Variants in SAMHD1 observed in about 807,000 individuals in gnomAD.
The protein encoded by SAMHD1 is deoxynucleoside triphosphate triphosphohydrolase SAMHD1.
Under a neutral mutation model 79.6 loss-of-function variants are expected in SAMHD1, and 54 were observed. That is an observed-to-expected ratio of 0.68 (90% confidence interval 0.55 to 0.85). The LOEUF (loss-of-function observed/expected upper bound fraction) is 0.85, where lower values mean the gene tolerates loss of function less well. Ranked by LOEUF, SAMHD1 falls within the 40% of genes least tolerant of loss-of-function variation. SAMHD1 has a pLI of 0.00. For missense variants in SAMHD1, 663 were observed against 782.7 expected, an observed-to-expected ratio of 0.85 and a Z score of 1.82; for synonymous variants, 260 against 264.1, an observed-to-expected ratio of 0.98 and a Z score of 0.15.
chr20:36,951,706 A>C lies in SAMHD1; in HGVS notation c.-63T>G. On this transcript the variant is annotated 5_prime_UTR_variant, in exon 1 of 16. Coordinates refer to ENST00000646673, the MANE Select transcript of SAMHD1 (RefSeq NM_015474.4). ...CGGCGCCGGACCCGCGCGCAGGCGC[A>C]CTGACAGCAGGGCCCTGGCGGGGAG... The C allele has an allele frequency of 6.2e-7, 1 of 1,607,938 alleles. No homozygotes were observed. Among genetic ancestry groups the C allele is most frequent in the Non-Finnish European group, 8.5e-7 (1 of 1,179,746 alleles).
intron 7 of SAMHD1, 132 bp downstream of exon 7, chr20:36,919,232 A>G (rs1172004351): frequency 3.7e-6 from 3 of 815,208 alleles, no homozygotes; most frequent in African/African-American, 3.5e-5. Context: ...TTTTGCATTA[A>G]ACAGTAGAAA....
intron 5 of SAMHD1, 88 bp from the exon 6 acceptor site, chr20:36,927,340 G>A (rs1213997801): frequency 1.6e-5 from 16 of 1,024,088 alleles, no homozygotes; most frequent in South Asian, 4.0e-5. Flanking sequence ...TTTTTGAGAC[G>A]GAGTTTCGCT....
chr20:36,927,376 G>T lies in SAMHD1; in HGVS notation c.626-124C>A, dbSNP rs930914984. Reference sequence around the variant, plus strand: ...CTTGTTGCCCAGGCTGGAGTGTAGTGGTACAATCTTGGCTCAACACAATCT... The same window carrying T: ...CTTGTTGCCCAGGCTGGAGTGTAGTTGTACAATCTTGGCTCAACACAATCT... On this transcript the variant is annotated intron_variant, in intron 5 of 15. Coordinates refer to ENST00000646673, the MANE Select transcript of SAMHD1 (RefSeq NM_015474.4). 2.8e-5 allele frequency: 22 copies of T among 776,896 alleles called. No homozygotes were observed. The African/African-American group carries it at 3.8e-4, about 13-fold the overall frequency. 48.1% of individuals were successfully genotyped at this position (776,896 alleles called of 1,614,324 possible). A position where few individuals can be genotyped will look rare whatever the true frequency, so the allele number is the denominator to read the frequency against.
At chr20:36,919,626 T>C (rs1235150186) in intron 6 of SAMHD1, 107 bp from the exon 7 acceptor site, 2 of 981,398 alleles carry the variant, frequency 2.0e-6, no homozygotes, top group Non-Finnish European at 3.1e-6. Flanking sequence ...AAAGGTCTAT[T>C]GCATATTAAT....
rs774219879 is a variant in SAMHD1 at position 36,898,785 on chromosome 20, G to A, written c.1504-241C>T. 1.6e-3 allele frequency among the ~76,000 whole-genome samples: 237 copies of A among 151,892 alleles called. 2 individuals are homozygous for A. Among genetic ancestry groups the A allele is most frequent in the Non-Finnish European group, 1.9e-3 (128 of 67,978 alleles). Reference sequence around the variant, plus strand: ...AAATTAGCTGGGCGTGGTGGCATGCGCCTGTAACCCCAGTTACTCGGGAGA... The same window carrying A: ...AAATTAGCTGGGCGTGGTGGCATGCACCTGTAACCCCAGTTACTCGGGAGA... On this transcript the variant is annotated intron_variant, in intron 13 of 15. Transcript: ENST00000646673.
At chr20:36,898,575 T>C (rs377721635) in intron 13 of SAMHD1, 31 bp from the exon 14 acceptor site, 2 of 1,532,174 alleles carry the variant, frequency 1.3e-6, no homozygotes, top group Admixed American at 1.7e-5. Flanking sequence ...AGTAATCATA[T>C]AGCAAGCAGG....
At chr20:36,908,660 C>T (rs1163920188) in intron 11 of SAMHD1, among the ~76,000 whole-genome samples, 1 of 152,128 alleles carries the variant, frequency 6.6e-6, no homozygotes, top group African/African-American at 2.4e-5. Context: ...TCTAGTAATT[C>T]ATTTTTATCA....
rs561648465 is a variant in SAMHD1, at chr20:36,903,172, T to C, written c.1503+985A>G. 3.3e-5 allele frequency among the ~76,000 whole-genome samples: 5 copies of C among 152,314 alleles called. No individual in the cohort carries two copies. In the East Asian group the frequency reaches 7.7e-4, roughly 23 times the overall value. ...AGGGGTTTGTGGACAGAGAAAAGTA[T>C]GTTAAACTAGTGATTTTACAGGGAG... On this transcript the variant is annotated intron_variant, in intron 13 of 15. Coordinates refer to ENST00000646673, the MANE Select transcript of SAMHD1 (RefSeq NM_015474.4).
At position 36,927,463 on chromosome 20, in the gene SAMHD1, G is replaced by A. The variant is rs189638386; in HGVS notation, c.626-211C>T. Among the ~76,000 whole-genome samples, 285 of 151,892 alleles carry A rather than the reference G, an allele frequency of 1.9e-3. 1 individual carries two copies. Among genetic ancestry groups the A allele is most frequent in the African/African-American group, 6.4e-3 (264 of 41,422 alleles). Reference sequence around the variant, plus strand: ...CTACCGAGTAGCTGGGATTACAGGCGTGTGCAACCACATCCAGCTAATTTT... The same window carrying A: ...CTACCGAGTAGCTGGGATTACAGGCATGTGCAACCACATCCAGCTAATTTT... On this transcript the variant is annotated intron_variant, in intron 5 of 15. Coordinates refer to ENST00000646673, the MANE Select transcript of SAMHD1 (RefSeq NM_015474.4).
Position 36,898,256 on chromosome 20 carries a change from C to G in SAMHD1, c.1608+184G>C, listed in dbSNP as rs146356858. ...TTGGCCAGGCTGATCTTAAGCTCTT[C>G]GTCTCAAGTGATCGTCCTGCTTCAG... On this transcript the variant is annotated intron_variant, in intron 14 of 15. Coordinates refer to ENST00000646673, the MANE Select transcript of SAMHD1 (RefSeq NM_015474.4). Among the ~76,000 whole-genome samples the G allele has an allele frequency of 3.0e-3, 456 of 152,172 alleles. 1 individual carries two copies. Among genetic ancestry groups the G allele is most frequent in the Non-Finnish European group, 4.7e-3 (320 of 67,998 alleles).
chr20:36,897,917 G>C lies in SAMHD1; in HGVS notation c.1651C>G (p.Arg551Gly). The C allele has an allele frequency of 6.2e-7, 1 of 1,614,080 alleles. No individual in the cohort carries two copies. Among genetic ancestry groups the C allele is most frequent in the Non-Finnish European group, 8.5e-7 (1 of 1,180,018 alleles). Residue 551 changes from arginine (R) to glycine (G), a missense_variant, in exon 15 of 16, where the codon CGA becomes GGA. By Grantham distance (125) the Arg-to-Gly change is moderately radical. Coordinates refer to ENST00000646673, the MANE Select transcript of SAMHD1 (RefSeq NM_015474.4). ...CTGTCCACCTTCTTACAATATACTC[G>C]AATCAGCTGCTCTGCAAATTTCTCT... Reference protein sequence around the residue: ...LPEKFAEQLIRVYCKKVDRKS... With the variant: ...LPEKFAEQLIGVYCKKVDRKS...
intron 3 of SAMHD1, among the ~76,000 whole-genome samples, chr20:36,935,771 A>G (rs1339931751): frequency 1.3e-5 from 2 of 152,052 alleles, no homozygotes; most frequent in African/African-American, 4.8e-5. Flanking sequence ...GGGTTTCACT[A>G]TGTTGGCCAG....
chr20:36,935,864 C>T (rs902209976), intron 3 of SAMHD1, among the ~76,000 whole-genome samples: 12 of 152,084 alleles, frequency 7.9e-5, no homozygotes. Flanking sequence ...AGCCACCGTG[C>T]CCGGCCTAAA....
At chr20:36,924,876 C>T (rs976703030) in intron 6 of SAMHD1, among the ~76,000 whole-genome samples, 2 of 151,784 alleles carry the variant, frequency 1.3e-5, no homozygotes, top group Admixed American at 1.3e-4. Context: ...TTAGATTTCT[C>T]GGCCGGGCAC....
chr20:36,897,638 G>A (rs1990221348), intron 15 of SAMHD1, 184 bp downstream of exon 15: 1 of 680,222 alleles, frequency 1.5e-6, no homozygotes, highest in Non-Finnish European at 2.5e-6. Context: ...ACTCCTGTAG[G>A]AAGAAATCAC....
At chr20:36,912,036 T>C (rs2148365466) in intron 10 of SAMHD1, 1 of 209,254 alleles carries the variant, frequency 4.8e-6, no homozygotes, top group African/African-American at 2.3e-5. Context: ...TTGATAAATA[T>C]TTGAAAGGAT....
intron 12 of SAMHD1, chr20:36,904,532 C>T (rs1333780819): frequency 2.1e-5 from 8 of 379,326 alleles, no homozygotes; most frequent in African/African-American, 1.7e-4. Context: ...GCCTGACCGA[C>T]ATGGTGAAAC....
chr20:36,910,924 C>T (rs577718872), intron 11 of SAMHD1, among the ~76,000 whole-genome samples: 2 of 151,980 alleles, frequency 1.3e-5, no homozygotes, highest in African/African-American at 4.8e-5. Flanking sequence ...AGAAATAAAA[C>T]TCAAATTCAA....
chr20:36,916,676 G>T, intron 9 of SAMHD1, 46 bp downstream of exon 9: 1 of 1,337,566 alleles, frequency 7.5e-7, no homozygotes, highest in Non-Finnish European at 1.1e-6. Flanking sequence ...CCAAATTTCA[G>T]ACCAGGAACA....
Sources: allele counts gnomAD v4.1 joint callset (sites outside exome capture counted in the v4.1 genomes callset), GRCh38; gene constraint gnomAD v4.1.1; transcripts MANE v1.5; gene names NCBI Gene and HGNC (gene_info 2026-07-23, HGNC 2026-07-21).